KCNMA1: variants seen among roughly 807,000 people sequenced by gnomAD.
KCNMA1 encodes the protein Calcium-activated potassium channel subunit alpha-1.
Under a neutral mutation model 140.0 loss-of-function variants are expected in KCNMA1, and 29 were observed. The observed-to-expected ratio is 0.21, with a 90% CI of 0.15 to 0.28. The LOEUF (loss-of-function observed/expected upper bound fraction) is 0.28, where lower values mean the gene tolerates loss of function less well. Among genes scored for constraint, KCNMA1 ranks in the 10% least tolerant of loss-of-function variants. The pLI is 1.00. For missense variants in KCNMA1, 880 were observed against 1,602.2 expected, an observed-to-expected ratio of 0.55 and a Z score of 7.70; for synonymous variants, 612 against 611.9, an observed-to-expected ratio of 1.00 and a Z score of 0.00.
intron 2 of KCNMA1, among the ~76,000 whole-genome samples, chr10:77,271,153 C>T (rs2065014860): frequency 6.6e-6 from 1 of 152,144 alleles, no homozygotes; most frequent in South Asian, 2.1e-4. Flanking sequence ...ATTTTATATT[C>T]CTTCAGTTTT....
At chr10:77,282,558 C>T (rs188848648) in intron 2 of KCNMA1, among the ~76,000 whole-genome samples, 2 of 152,252 alleles carry the variant, frequency 1.3e-5, no homozygotes, top group Non-Finnish European at 2.9e-5. Flanking sequence ...GTAGGTTAAA[C>T]TCATAAACTG....
chr10:77,012,537 G>A, intron 17 of KCNMA1: 1 of 1,550,108 alleles, frequency 6.5e-7, no homozygotes, highest in Non-Finnish European at 8.7e-7. Flanking sequence ...GGCAGCCAAA[G>A]GGAGACAGAG....
intron 1 of KCNMA1, among the ~76,000 whole-genome samples, chr10:77,621,680 G>A (rs1466652969): frequency 1.3e-5 from 2 of 152,166 alleles, no homozygotes; most frequent in Admixed American, 6.6e-5. Context: ...TGTAATTCCA[G>A]CACTTTGGGG....
chr10:77,326,615 G>A (rs1039781678), intron 2 of KCNMA1, among the ~76,000 whole-genome samples: 1 of 152,054 alleles, frequency 6.6e-6, no homozygotes, highest in African/African-American at 2.4e-5. Flanking sequence ...TGAGGGAAAG[G>A]GCCACTGCTT....
At chr10:77,608,519 A>C (rs961843687) in intron 1 of KCNMA1, among the ~76,000 whole-genome samples, 1 of 152,110 alleles carries the variant, frequency 6.6e-6, no homozygotes, top group African/African-American at 2.4e-5. Flanking sequence ...GCCCCGGCCA[A>C]GGAGAGGATG....
intron 3 of KCNMA1, among the ~76,000 whole-genome samples, chr10:77,246,565 A>G (rs972050827): frequency 2.6e-5 from 4 of 152,220 alleles, no homozygotes; most frequent in East Asian, 1.9e-4. Context: ...GACATCCCCA[A>G]TACATCAATG....
chr10:77,001,241 G>A (rs906889460), intron 19 of KCNMA1, among the ~76,000 whole-genome samples, 166 bp downstream of exon 19: 10 of 152,056 alleles, frequency 6.6e-5, no homozygotes, highest in African/African-American at 2.2e-4. Context: ...TCCTAGGCAC[G>A]TACACAGAGA....
At chr10:77,268,949 ATC>A (rs2064206050) in intron 2 of KCNMA1, among the ~76,000 whole-genome samples, 1 of 152,188 alleles carries the variant, frequency 6.6e-6, no homozygotes, top group African/African-American at 2.4e-5. Flanking sequence ...CAATCCAAGC[ATC>A]TTGTGGCAGA....
At chr10:77,259,124 G>A (rs2061433075) in intron 2 of KCNMA1, among the ~76,000 whole-genome samples, 1 of 152,142 alleles carries the variant, frequency 6.6e-6, no homozygotes, top group Admixed American at 6.5e-5. Context: ...ACTTATGGAA[G>A]CACATGCACA....
At chr10:76,938,910 T>C (rs1043458763) in intron 23 of KCNMA1, among the ~76,000 whole-genome samples, 1 of 152,144 alleles carries the variant, frequency 6.6e-6, no homozygotes, top group Non-Finnish European at 1.5e-5. Flanking sequence ...TATAAATCTT[T>C]GATGACTCCC....
intron 20 of KCNMA1, among the ~76,000 whole-genome samples, chr10:76,955,394 C>T (rs1173471962): frequency 3.3e-5 from 5 of 152,094 alleles, no homozygotes; most frequent in Non-Finnish European, 7.4e-5. Context: ...CAATATGCTC[C>T]CCACTCCCAC....
chr10:76,881,671 G>T (rs530319248), downstream of KCNMA1, among the ~76,000 whole-genome samples: 14 of 152,300 alleles, frequency 9.2e-5, 1 homozygote, highest in South Asian at 2.3e-3. Context: ...CAGTACTAAA[G>T]GATGATGTAA....
intron 1 of KCNMA1, among the ~76,000 whole-genome samples, chr10:77,519,561 G>A (rs929254843): frequency 6.6e-6 from 1 of 152,110 alleles, no homozygotes; most frequent in Admixed American, 6.5e-5. Context: ...GATAATCGAG[G>A]GAAGACTGTA....
At chr10:77,107,537 T>C (rs2153843809) in intron 9 of KCNMA1, among the ~76,000 whole-genome samples, 1 of 152,326 alleles carries the variant, frequency 6.6e-6, no homozygotes, top group South Asian at 2.1e-4. Flanking sequence ...GGCATTCTCC[T>C]CTTGAGGTTG....
intron 1 of KCNMA1, among the ~76,000 whole-genome samples, chr10:77,505,157 G>C (rs1211957535): frequency 2.6e-5 from 4 of 152,194 alleles, no homozygotes; most frequent in African/African-American, 7.2e-5. Flanking sequence ...CCCTTGCTAC[G>C]TGCCTGGAAA....
At chr10:77,353,970 T>TGGGGGGGGGGGGGGGGGGGGGGGGGG (rs563299513) in intron 2 of KCNMA1, among the ~76,000 whole-genome samples, 2 of 92,936 alleles carry the variant, frequency 2.2e-5, no homozygotes, top group African/African-American at 1.0e-4. Context: ...CCTCTTTTTT[T>TGGGGGGGGGGGGGGGGGGGGGGGGGG]GGGGGGGGGG....
chr10:76,900,910 A>C (rs1003265187), intron 25 of KCNMA1, among the ~76,000 whole-genome samples: 9 of 141,766 alleles, frequency 6.3e-5, no homozygotes, highest in Non-Finnish European at 9.4e-5. Context: ...AAAAAAAAAA[A>C]CCCAGTACAT....
chr10:77,342,654 G>C (rs1218276591), intron 2 of KCNMA1, among the ~76,000 whole-genome samples: 1 of 152,202 alleles, frequency 6.6e-6, no homozygotes, highest in Non-Finnish European at 1.5e-5. Context: ...AAACATGAAA[G>C]GTGCTATTAT....
At chr10:77,039,888 T>TC (rs1257958409) in intron 14 of KCNMA1, among the ~76,000 whole-genome samples, 1 of 128,702 alleles carries the variant, frequency 7.8e-6, no homozygotes, top group African/African-American at 2.9e-5. Context: ...TTTTTCTTTT[T>TC]TTTTTTTTTT....
Sources: gnomAD v4.1 joint callset for allele counts (sites outside exome capture counted in the v4.1 genomes callset) on GRCh38, gnomAD v4.1.1 for gene constraint, MANE v1.5 for transcripts, NCBI Gene and HGNC (gene_info 2026-07-23, HGNC 2026-07-21) for gene names.